TNKS1BP1: variants seen among roughly 807,000 people sequenced by gnomAD.
TNKS1BP1 encodes 182 kDa tankyrase-1-binding protein.
In TNKS1BP1, 48 loss-of-function variants were observed where a neutral mutation model predicts 141.1. The observed-to-expected ratio is 0.34, with a 90% CI of 0.27 to 0.43. TNKS1BP1 has a LOEUF of 0.43. TNKS1BP1 is among the 20% of genes least tolerant of loss of function. The pLI is 1.00. For synonymous variants in TNKS1BP1, 875 were observed against 898.2 expected (o/e 0.97, Z 0.46); for missense variants, 2,149 against 2,226.0 (o/e 0.97, Z 0.70).
chr11:57,314,315 G>C (rs77304844), intron 4 of TNKS1BP1, among the ~76,000 whole-genome samples: 3 of 152,154 alleles, frequency 2.0e-5, no homozygotes, highest in African/African-American at 7.2e-5. Flanking sequence ...AGAGGGTTTC[G>C]CGTCCAAGCA....
Position 57,300,543 on chromosome 11 carries a change from G to A in TNKS1BP1, c.5187C>T (p.Val1729=). The A allele has an allele frequency of 6.2e-7, 1 of 1,614,220 alleles. No homozygotes were observed. Among genetic ancestry groups the A allele is most frequent in the Non-Finnish European group, 8.5e-7 (1 of 1,180,028 alleles). ...CTGTCCTCACCTCAGTGACTTCTCA[G>A]ACCTTCTTCTTCTTCAGTTTCAGGG... The part of the protein sequence containing the change: ...LQALKLKKKK[V] The change falls in exon 11 of 12, where the codon GTC becomes GTT. Residue 1729 remains valine (V), a synonymous_variant. Transcript: ENST00000358252.
At position 57,308,604 on chromosome 11, in the gene TNKS1BP1, C is replaced by G. The variant is rs1363942425; in HGVS notation, c.4107G>C (p.Gly1369=). 1.9e-6 allele frequency: 3 copies of G among 1,613,824 alleles called. No homozygotes were observed. The African/African-American group carries it at 4.0e-5, about 22-fold the overall frequency. ...GGCCGGGCTCTGGGCACTGGCTCACCCCGCCCACCCCATGCTCCCTGGCTT... is the reference window on the plus strand; with the variant it reads ...GGCCGGGCTCTGGGCACTGGCTCACGCCGCCCACCCCATGCTCCCTGGCTT... ...PSEAREHGVG[G]VSQCPEPGLR... Residue 1369 remains glycine (G), a synonymous_variant, in exon 6 of 12, where the codon GGG becomes GGC. Transcript: ENST00000358252.
Position 57,310,492 on chromosome 11 carries a change from G to A in TNKS1BP1, c.2219C>T (p.Pro740Leu). Residue 740 changes from proline (P) to leucine (L), a missense_variant, in exon 6 of 12, where the codon CCC becomes CTC. By Grantham distance (98) the Pro-to-Leu change is moderately conservative (BLOSUM62 -3). Coordinates refer to ENST00000358252, the MANE Select transcript of TNKS1BP1 (RefSeq NM_033396.3). ...CCAGCTGGAAGGACTGAAACTGCTG[G>A]GCTGTGGGTCTCCTGTGATCCCAAA... is the stretch of plus-strand genomic sequence containing the variant. ...SEFGITGDPQ[P>L]SSFSPSSWCQ... is the part of the protein sequence containing the mutation. 1.2e-6 allele frequency: 2 copies of A among 1,611,458 alleles called. No homozygotes were observed. The highest frequency in any genetic ancestry group is 1.7e-6 in the Non-Finnish European group (2 of 1,180,014).
Position 57,309,535 on chromosome 11 carries a change from C to T in TNKS1BP1, c.3176G>A (p.Gly1059Glu), listed in dbSNP as rs764911023. ...CCCTGCCTGCTGTCTCTCCTGATGC[C>T]CTCCCACCTCCTGGCTAGCATCACT... ...QNSDASQEVGGHQERQQAGAQ... is the reference protein window; with the variant it reads ...QNSDASQEVGEHQERQQAGAQ... The change falls in exon 6 of 12, where the codon GGG becomes GAG. Residue 1059 changes from glycine (G) to glutamate (E), a missense_variant. By Grantham distance (98) the Gly-to-Glu change is moderately conservative. Transcript: ENST00000358252. The surrounding 1 kb of genome is among the most constrained non-coding windows in gnomAD (Gnocchi z 4.3). The T allele has an allele frequency of 6.2e-6, 10 of 1,613,536 alleles. No homozygotes were observed. In the East Asian group the frequency reaches 2.2e-4, roughly 36 times the overall value.
At chr11:57,323,317 C>T (rs1031174249) in intron 1 of TNKS1BP1, among the ~76,000 whole-genome samples, 1 of 152,122 alleles carries the variant, frequency 6.6e-6, no homozygotes, top group Non-Finnish European at 1.5e-5. Flanking sequence ...CCTCAGTTCC[C>T]ATCCTGACTC....
chr11:57,323,258 C>T (rs549149870), intron 1 of TNKS1BP1, among the ~76,000 whole-genome samples: 1 of 152,222 alleles, frequency 6.6e-6, no homozygotes, highest in South Asian at 2.1e-4. Context: ...TTCCTTCACT[C>T]TCCCAGGCCC....
rs150137538 is a variant in TNKS1BP1 at position 57,302,417 on chromosome 11, C to T, written c.4683+42G>A. On this transcript the variant is annotated intron_variant, in intron 7 of 11. Transcript: ENST00000358252. This position sits in a 1 kb window ranked among gnomAD's most constrained non-coding sequence, Gnocchi z 5.5. ...TCCAGGAATGGGGCTCTCGCTGCAT[C>T]GCCCTCACCCACCCACTGTCATGGG... 1.8e-5 allele frequency: 28 copies of T among 1,553,286 alleles called. No individual in the cohort carries two copies. In the South Asian group the frequency reaches 1.8e-4, roughly 10 times the overall value.
At chr11:57,320,022 A>ACCCCCCCCCCCC in intron 3 of TNKS1BP1, 57 bp downstream of exon 3, 2 of 1,118,688 alleles carry the variant, frequency 1.8e-6, no homozygotes, top group Non-Finnish European at 2.6e-6. Flanking sequence ...CCCCCACCCA[A>ACCCCCCCCCCCC]TCCCACCCCA....
chr11:57,321,816 GCTC>G lies in TNKS1BP1; in HGVS notation c.67_69del (p.Glu23del). ...CCTGGCTCAGAGCCAGTAGGCACCA[GCTC>G]CTCCTCCATCTCCCGGGGCAGTGGG... is the stretch of plus-strand genomic sequence containing the variant. On this transcript the variant is annotated inframe_deletion, in exon 2 of 12. Transcript: ENST00000358252. 1.2e-6 allele frequency: 2 copies of G among 1,608,606 alleles called. No individual in the cohort carries two copies. The highest frequency in any genetic ancestry group is 1.7e-6 in the Non-Finnish European group (2 of 1,176,728).
In TNKS1BP1 at chr11:57,309,993, G is replaced by C; in HGVS notation, c.2718C>G (p.Gly906=). ...AYASQDANEQ[G]QDLGKRDHHG... Reference sequence around the variant, plus strand: ...GGTGGTCCCTCTTCCCCAAATCTTGGCCCTGCTCGTTGGCATCTTGGCTGG... The same window carrying C: ...GGTGGTCCCTCTTCCCCAAATCTTGCCCCTGCTCGTTGGCATCTTGGCTGG... The change falls in exon 6 of 12, where the codon GGC becomes GGG. Residue 906 remains glycine (G), a synonymous_variant. Coordinates refer to ENST00000358252, the MANE Select transcript of TNKS1BP1 (RefSeq NM_033396.3). This position sits in a 1 kb window ranked among gnomAD's most constrained non-coding sequence, Gnocchi z 4.3. 1 of 1,613,934 alleles carries C rather than the reference G, an allele frequency of 6.2e-7. No individual in the cohort carries two copies. Among genetic ancestry groups the C allele is most frequent in the East Asian group, 2.2e-5 (1 of 44,878 alleles).
Position 57,312,639 on chromosome 11 carries a change from G to T in TNKS1BP1, c.2049C>A (p.Arg683=), listed in dbSNP as rs755067045. ...GTGAAGCCAGGAGGTCGTCCAGCCAGCGGGAGCTGCTTTCAGGGCCTGGAG... is the reference window on the plus strand; with the variant it reads ...GTGAAGCCAGGAGGTCGTCCAGCCATCGGGAGCTGCTTTCAGGGCCTGGAG... ...PEPPGPESSS[R]WLDDLLASPP... is the part of the protein sequence containing the mutation. Residue 683 remains arginine (R), a synonymous_variant, in exon 5 of 12, where the codon CGC becomes CGA. Transcript: ENST00000358252. The T allele has an allele frequency of 2.5e-6, 4 of 1,583,342 alleles. No individual in the cohort carries two copies. Among genetic ancestry groups the T allele is most frequent in the Admixed American group, 1.8e-5 (1 of 56,020 alleles).
chr11:57,310,630 G>A, intron 5 of TNKS1BP1, 74 bp from the exon 6 acceptor site: 3 of 1,528,244 alleles, frequency 2.0e-6, no homozygotes, highest in Middle Eastern at 2.2e-4. Flanking sequence ...ATCCAGCAGA[G>A]TCAGCGCTGC....
chr11:57,309,794 G>C lies in TNKS1BP1; in HGVS notation c.2917C>G (p.Gln973Glu). Residue 973 changes from glutamine to glutamate, a missense_variant, in exon 6 of 12, where the codon CAG becomes GAG. By Grantham distance (29) the Gln-to-Glu change is conservative. Transcript: ENST00000358252. The surrounding 1 kb of genome is among the most constrained non-coding windows in gnomAD (Gnocchi z 4.3). Reference protein sequence around the residue: ...SGGSSRTLDAQDRSFGTRPLS... With the variant: ...SGGSSRTLDAEDRSFGTRPLS... ...GGTCTCGTTCCAAAGCTTCTGTCCTGGGCGTCAAGGGTCCTGGAGCTGCCA... is the reference window on the plus strand; with the variant it reads ...GGTCTCGTTCCAAAGCTTCTGTCCTCGGCGTCAAGGGTCCTGGAGCTGCCA... 3 of 1,614,160 alleles carry C rather than the reference G, an allele frequency of 1.9e-6. No homozygotes were observed. Among genetic ancestry groups the C allele is most frequent in the Non-Finnish European group, 2.5e-6 (3 of 1,180,026 alleles).
In TNKS1BP1 at chr11:57,313,479, C is replaced by T. The variant is rs141972171; in HGVS notation, c.1209G>A (p.Thr403=). ...CCTCCTCCTCCCCGCCAGATGGAAA[C>T]GTCCGAGTGAGATCCAGCAACTCAC... ...EVGELLDLTR[T]FPSGGEEEAK... Residue 403 remains threonine (T), a synonymous_variant, in exon 5 of 12, where the codon ACG becomes ACA. Coordinates refer to ENST00000358252, the MANE Select transcript of TNKS1BP1 (RefSeq NM_033396.3). 7.8e-5 allele frequency: 124 copies of T among 1,582,288 alleles called. No homozygotes were observed. In the Middle Eastern group the frequency reaches 1.9e-3, roughly 24 times the overall value.
At chr11:57,307,617 T>C (rs558611427) in intron 6 of TNKS1BP1, among the ~76,000 whole-genome samples, 29 of 138,546 alleles carry the variant, frequency 2.1e-4, no homozygotes, top group Admixed American at 1.9e-3. Flanking sequence ...AAGCTCCCAC[T>C]GTGGGGCTGG....
intron 5 of TNKS1BP1, chr11:57,311,160 G>C: frequency 1.1e-6 from 1 of 884,600 alleles, no homozygotes; most frequent in African/African-American, 1.8e-5. Flanking sequence ...AAGACAAGAG[G>C]GGCAGCCTCT....
chr11:57,324,853 G>T lies in TNKS1BP1; in HGVS notation c.-79C>A. ...CCGCGCACTCACGCGCTCGCCCGGG[G>T]TCCGGCTCCGCTCGGCTCGGGGCCC... On this transcript the variant is annotated 5_prime_UTR_variant, in exon 1 of 12. Transcript: ENST00000358252. 1 of 987,514 alleles carries T rather than the reference G, an allele frequency of 1.0e-6. No homozygotes were observed. The highest frequency in any genetic ancestry group is 1.2e-6 in the Non-Finnish European group (1 of 831,574). The allele number at this position is 987,514 out of a possible 1,614,324, so 61.2% of individuals were successfully genotyped here. A position where few individuals can be genotyped will look rare whatever the true frequency, so the allele number is the denominator to read the frequency against.
rs753776621 is a variant in TNKS1BP1 at position 57,309,365 on chromosome 11, C to T, written c.3346G>A (p.Glu1116Lys). The change falls in exon 6 of 12, where the codon GAG becomes AAG. Residue 1116 changes from glutamate to lysine, a missense_variant. Coordinates refer to ENST00000358252, the MANE Select transcript of TNKS1BP1 (RefSeq NM_033396.3). This position sits in a 1 kb window ranked among gnomAD's most constrained non-coding sequence, Gnocchi z 4.3. ...QQDWSRDFCIEASERSYQFGI... is the reference protein window; with the variant it reads ...QQDWSRDFCIKASERSYQFGI... ...AACTGATAGCTCCTCTCACTGGCCT[C>T]GATGCAGAAGTCCCGGCTCCAGTCC... The T allele has an allele frequency of 6.2e-6, 10 of 1,614,034 alleles. No individual in the cohort carries two copies. In the African/African-American group the frequency reaches 6.7e-5, roughly 11 times the overall value.
chr11:57,300,601 C>T lies in TNKS1BP1; in HGVS notation c.5130-1G>A. On this transcript the variant is annotated splice_acceptor_variant, in intron 10 of 11. Coordinates refer to ENST00000358252, the MANE Select transcript of TNKS1BP1 (RefSeq NM_033396.3). LOFTEE classifies it high-confidence loss of function. ...CCAGTTGGGCGACGATCCTTCTGAC[C>T]TAGGAGGCAGACGGCAAAGGTCCAG... 6.2e-7 allele frequency: 1 copy of T among 1,614,184 alleles called. No individual in the cohort carries two copies. Among genetic ancestry groups the T allele is most frequent in the Non-Finnish European group, 8.5e-7 (1 of 1,180,032 alleles).
Sources: allele counts gnomAD v4.1 joint callset (sites outside exome capture counted in the v4.1 genomes callset), GRCh38; gene constraint gnomAD v4.1.1; non-coding constraint Gnocchi (gnomAD v3.1); transcripts MANE v1.5; gene names NCBI Gene and HGNC (gene_info 2026-07-23, HGNC 2026-07-21).